SPEN: variants seen among roughly 807,000 people sequenced by gnomAD.
The protein encoded by SPEN is msx2-interacting protein.
SPEN carries 18 observed loss-of-function variants against 269.9 expected under a neutral mutation model. The ratio of observed to expected loss-of-function variants is 0.07; its 90% confidence interval spans 0.05 to 0.10. The LOEUF (loss-of-function observed/expected upper bound fraction) is 0.10. Ranked by LOEUF, SPEN falls within the 10% of genes least tolerant of loss-of-function variation. The pLI, the probability that SPEN is intolerant of heterozygous loss-of-function variation, is 1.00. For synonymous variants in SPEN, 1,726 were observed against 1,765.7 expected, an observed-to-expected ratio of 0.98 and a Z score of 0.56; for missense variants, 3,822 against 4,631.2, an observed-to-expected ratio of 0.83 and a Z score of 5.07.
chr1:15,930,346 C>A lies in SPEN; in HGVS notation c.4106C>A (p.Ser1369Tyr). 6.2e-7 allele frequency: 1 copy of A among 1,613,858 alleles called. No individual in the cohort carries two copies. The highest frequency in any genetic ancestry group is 8.5e-7 in the Non-Finnish European group (1 of 1,179,776). ...AAGAGAGATAGCCTTCGAAAAAGGT[C>A]TGTACGAGATCTGGAACCTGGTGAG... The part of the protein sequence containing the change: ...IIKRDSLRKR[S>Y]VRDLEPGEVP... The change falls in exon 11 of 15, where the codon TCT becomes TAT. Residue 1369 changes from serine to tyrosine, a missense_variant. Transcript: ENST00000375759. The surrounding 1 kb of genome is among the most constrained non-coding windows in gnomAD (Gnocchi z 5.3).
intron 3 of SPEN, among the ~76,000 whole-genome samples, chr1:15,906,453 C>CTTTTTTTTTTTTTTT (rs200731520): frequency 1.3e-4 from 12 of 92,538 alleles, no homozygotes; most frequent in African/African-American, 2.5e-4. Flanking sequence ...TCTTTCTTTC[C>CTTTTTTTTTTTTTTT]TTTTTTTTTT....
Position 15,939,337 on chromosome 1 carries a change from T to C in SPEN, c.10905T>C (p.Ser3635=), listed in dbSNP as rs1334833198. 2.5e-6 allele frequency: 4 copies of C among 1,606,266 alleles called. No homozygotes were observed. The highest frequency in any genetic ancestry group is 3.4e-6 in the Non-Finnish European group (4 of 1,176,108). ...AGATCTTCCCGCCCTGTGAGTTCTC[T>C]GAGAGTCACCTGTCCCGCCTGGCCC... ...VLQIFPPCEF[S]ESHLSRLAPD... Residue 3635 remains serine (S), a synonymous_variant, in exon 15 of 15, where the codon TCT becomes TCC. Coordinates refer to ENST00000375759, the MANE Select transcript of SPEN (RefSeq NM_015001.3). The surrounding 1 kb of genome is among the most constrained non-coding windows in gnomAD (Gnocchi z 4.1).
At chr1:15,894,689 C>T (rs568237814) in intron 3 of SPEN, among the ~76,000 whole-genome samples, 7 of 151,650 alleles carry the variant, frequency 4.6e-5, no homozygotes, top group South Asian at 2.1e-4. Context: ...TACAGACACG[C>T]GCCACCACAC....
Position 15,931,355 on chromosome 1 carries a change from A to G in SPEN, c.5115A>G (p.Gly1705=). The part of the protein sequence containing the change: ...EQLEQVDLPP[G]ADPDKEAAMM... The stretch of plus-strand genomic sequence containing the variant: ...TGGAACAAGTAGACCTGCCCCCAGG[A>G]GCAGACCCCGATAAAGAAGCTGCCA... Residue 1705 remains glycine (G), a synonymous_variant, in exon 11 of 15, where the codon GGA becomes GGG. Coordinates refer to ENST00000375759, the MANE Select transcript of SPEN (RefSeq NM_015001.3). This position sits in a 1 kb window ranked among gnomAD's most constrained non-coding sequence, Gnocchi z 4.8. 2 of 1,614,206 alleles carry G rather than the reference A, an allele frequency of 1.2e-6. No individual in the cohort carries two copies. Among genetic ancestry groups the G allele is most frequent in the Non-Finnish European group, 1.7e-6 (2 of 1,180,040 alleles).
At chr1:15,871,792 T>G (rs1314054560) in intron 1 of SPEN, among the ~76,000 whole-genome samples, 2 of 152,218 alleles carry the variant, frequency 1.3e-5, no homozygotes, top group Admixed American at 1.3e-4. Context: ...CGATTGTCAC[T>G]TAATGAATTA....
At chr1:15,880,854 G>A (rs1414543460) in intron 3 of SPEN, among the ~76,000 whole-genome samples, 2 of 152,156 alleles carry the variant, frequency 1.3e-5, no homozygotes, top group African/African-American at 2.4e-5. Context: ...GGCTATGAAG[G>A]ATATGCAGGA....
At chr1:15,926,719 G>T in intron 10 of SPEN, among the ~76,000 whole-genome samples, 1 of 148,208 alleles carries the variant, frequency 6.7e-6, no homozygotes, top group East Asian at 2.0e-4. Flanking sequence ...TTGAGATGGA[G>T]TCTCGCTGTG....
Position 15,933,153 on chromosome 1 carries a change from A to G in SPEN, c.6913A>G (p.Ser2305Gly), listed in dbSNP as rs1230407142. 3.7e-6 allele frequency: 6 copies of G among 1,607,144 alleles called. No individual in the cohort carries two copies. The highest frequency in any genetic ancestry group is 5.1e-6 in the Non-Finnish European group (6 of 1,179,698). Residue 2305 changes from serine to glycine, a missense_variant, in exon 11 of 15, where the codon AGC (serine) becomes GGC (glycine). Ser to Gly is a moderately conservative substitution (Grantham distance 56, BLOSUM62 0). Around this residue, in one of 16 missense-constraint regions of SPEN, gnomAD observed 727 missense variants for 737.9 expected, o/e 0.99. Coordinates refer to ENST00000375759, the MANE Select transcript of SPEN (RefSeq NM_015001.3). The surrounding 1 kb of genome is among the most constrained non-coding windows in gnomAD (Gnocchi z 5.7). Reference sequence around the variant, plus strand: ...AGATACCAAGGAAGCCAGAGGAAATAGCAGTGAAACCTCACACTCAGTGCC... The same window carrying G: ...AGATACCAAGGAAGCCAGAGGAAATGGCAGTGAAACCTCACACTCAGTGCC... The part of the protein sequence containing the change: ...PTDTKEARGN[S>G]SETSHSVPEA...
chr1:15,889,639 T>C lies in SPEN; in HGVS notation c.881+12961T>C, dbSNP rs562975002. 3.3e-5 allele frequency among the ~76,000 whole-genome samples: 5 copies of C among 152,328 alleles called. No homozygotes were observed. In the South Asian group the frequency reaches 1.0e-3, roughly 32 times the overall value. On this transcript the variant is annotated intron_variant, in intron 3 of 14. Transcript: ENST00000375759. ...CACTCTCTGGTCATTTACTTACTTATTAGTTATTCATTAAGTTATATGCTA... is the reference window on the plus strand; with the variant it reads ...CACTCTCTGGTCATTTACTTACTTACTAGTTATTCATTAAGTTATATGCTA...
At chr1:15,865,588 A>G (rs1181993162) in intron 1 of SPEN, among the ~76,000 whole-genome samples, 1 of 145,998 alleles carries the variant, frequency 6.8e-6, no homozygotes, top group Non-Finnish European at 1.5e-5. Flanking sequence ...ACATCCGGCT[A>G]ATTTTTTTGT....
At chr1:15,887,881 G>A (rs1323835484) in intron 3 of SPEN, among the ~76,000 whole-genome samples, 1 of 150,666 alleles carries the variant, frequency 6.6e-6, no homozygotes, top group African/African-American at 2.4e-5. Flanking sequence ...AAATTAACTG[G>A]GCATGGTGGT....
At position 15,876,433 on chromosome 1, in the gene SPEN, C is replaced by T; in HGVS notation, c.636C>T (p.Pro212=). The T allele has an allele frequency of 1.2e-6, 2 of 1,614,044 alleles. No homozygotes were observed. Among genetic ancestry groups the T allele is most frequent in the Non-Finnish European group, 1.7e-6 (2 of 1,179,998 alleles). Reference sequence around the variant, plus strand: ...GGGCTCGCGAGCAGTTTACACTGCCCAGTGTGGTACACAGGGATATCTACA... The same window carrying T: ...GGGCTCGCGAGCAGTTTACACTGCCTAGTGTGGTACACAGGGATATCTACA... The part of the protein sequence containing the change: ...EPRAREQFTL[P]SVVHRDIYRD... The change falls in exon 3 of 15, where the codon CCC becomes CCT. Residue 212 remains proline (P), a synonymous_variant. Coordinates refer to ENST00000375759, the MANE Select transcript of SPEN (RefSeq NM_015001.3).
In SPEN at chr1:15,930,315, A is replaced by G. The variant is rs902113272; in HGVS notation, c.4075A>G (p.Ile1359Val). The G allele has an allele frequency of 7.4e-6, 12 of 1,614,074 alleles. No individual in the cohort carries two copies. The highest frequency in any genetic ancestry group is 3.3e-5 in the Admixed American group (2 of 60,008). Reference protein sequence around the residue: ...GRFDVSFPNSIIKRDSLRKRS... With the variant: ...GRFDVSFPNSVIKRDSLRKRS... The stretch of plus-strand genomic sequence containing the variant: ...ATTTGATGTGAGTTTCCCAAACAGC[A>G]TAATTAAGAGAGATAGCCTTCGAAA... Residue 1359 changes from isoleucine to valine, a missense_variant, in exon 11 of 15, where the codon ATA becomes GTA. Coordinates refer to ENST00000375759, the MANE Select transcript of SPEN (RefSeq NM_015001.3). The surrounding 1 kb of genome is among the most constrained non-coding windows in gnomAD (Gnocchi z 5.3).
At chr1:15,893,249 T>C (rs771985039) in intron 3 of SPEN, among the ~76,000 whole-genome samples, 1 of 152,230 alleles carries the variant, frequency 6.6e-6, no homozygotes, top group Non-Finnish European at 1.5e-5. Context: ...ACAGAAATAA[T>C]ACACATCTGT....
Position 15,928,320 on chromosome 1 carries a change from G to C in SPEN, c.2080G>C (p.Glu694Gln), listed in dbSNP as rs769558401. The C allele has an allele frequency of 6.2e-7, 1 of 1,614,186 alleles. No individual in the cohort carries two copies. Residue 694 changes from glutamate to glutamine, a missense_variant, in exon 11 of 15, where the codon GAA becomes CAA. Glu to Gln is a conservative substitution (Grantham distance 29, BLOSUM62 2). Transcript: ENST00000375759. The surrounding 1 kb of genome is among the most constrained non-coding windows in gnomAD (Gnocchi z 5.7). ...RNDPYEQDIR[E>Q]YSYRQRERER... ...TGATCCTTATGAACAAGATATTAGG[G>C]AATATAGTTACAGGCAAAGGGAACG...
Position 15,936,135 on chromosome 1 carries a change from A to T in SPEN, c.9895A>T (p.Ser3299Cys). The T allele has an allele frequency of 6.2e-7, 1 of 1,611,560 alleles. No individual in the cohort carries two copies. Among genetic ancestry groups the T allele is most frequent in the Non-Finnish European group, 8.5e-7 (1 of 1,178,152 alleles). The change falls in exon 11 of 15, where the codon AGC becomes TGC. Residue 3299 changes from serine to cysteine, a missense_variant. Ser to Cys is a moderately radical substitution (Grantham distance 112). Around this residue, in one of 16 missense-constraint regions of SPEN, gnomAD observed 359 missense variants for 377.3 expected, o/e 0.95. Transcript: ENST00000375759. Reference sequence around the variant, plus strand: ...CCATGGGGTGCAGATTGTGCACTCCAGCGGGGAGCTGTTTCAAGAGTACCG... The same window carrying T: ...CCATGGGGTGCAGATTGTGCACTCCTGCGGGGAGCTGTTTCAAGAGTACCG... ...VTHGVQIVHS[S>C]GELFQEYRYG...
At position 15,932,237 on chromosome 1, in the gene SPEN, G is replaced by A. The variant is rs969430187; in HGVS notation, c.5997G>A (p.Lys1999=). 21 of 1,610,300 alleles carry A rather than the reference G, an allele frequency of 1.3e-5. No individual in the cohort carries two copies. In the African/African-American group the frequency reaches 2.7e-4, roughly 21 times the overall value. Residue 1999 remains lysine, a synonymous_variant, in exon 11 of 15, where the codon AAG becomes AAA. Coordinates refer to ENST00000375759, the MANE Select transcript of SPEN (RefSeq NM_015001.3). The surrounding 1 kb of genome is among the most constrained non-coding windows in gnomAD (Gnocchi z 4.2). ...CTGGTGGTGGACCCCAAGGGAAAAAGGGAAAAAATGAACCGAAGGTGGATG... is the reference window on the plus strand; with the variant it reads ...CTGGTGGTGGACCCCAAGGGAAAAAAGGAAAAAATGAACCGAAGGTGGATG... ...TAAGGGPQGK[K]GKNEPKVDAT...
chr1:15,914,544 T>C (rs1391295666), intron 5 of SPEN, among the ~76,000 whole-genome samples: 1 of 152,194 alleles, frequency 6.6e-6, no homozygotes, highest in Non-Finnish European at 1.5e-5. Flanking sequence ...AAATAGAGGC[T>C]GGACGTCGTG....
chr1:15,938,622 AGGT>A (rs1323930613), intron 13 of SPEN, 93 bp from the exon 14 acceptor site: 36 of 831,182 alleles, frequency 4.3e-5, no homozygotes, highest in Non-Finnish European at 6.0e-5. Flanking sequence ...GTCATCTCAG[AGGT>A]GGGGGTTTTT....
Sources: gnomAD v4.1 joint callset for allele counts (sites outside exome capture counted in the v4.1 genomes callset) on GRCh38, gnomAD v4.1.1 for gene constraint, gnomAD v4.1.1 regional missense constraint, Gnocchi (gnomAD v3.1) non-coding constraint, MANE v1.5 for transcripts, NCBI Gene and HGNC (gene_info 2026-07-23, HGNC 2026-07-21) for gene names.